UBASH3A: variants seen among roughly 807,000 people sequenced by gnomAD.
UBASH3A encodes the protein ubiquitin-associated and SH3 domain-containing protein A.
A neutral mutation model predicts 73.5 loss-of-function variants in UBASH3A; 63 were observed. The ratio of observed to expected loss-of-function variants is 0.86; its 90% confidence interval spans 0.70 to 1.06. The LOEUF (loss-of-function observed/expected upper bound fraction) is 1.06. Ranked by LOEUF, UBASH3A falls within the 50% of genes least tolerant of loss-of-function variation. The pLI is 0.00. For synonymous variants in UBASH3A, 363 were observed against 351.1 expected (o/e 1.03, Z -0.38); for missense variants, 860 against 859.0 (o/e 1.00, Z -0.02).
Position 42,416,572 on chromosome 21 carries a change from A to G in UBASH3A, c.798A>G (p.Ala266=). 1 of 1,607,980 alleles carries G rather than the reference A, an allele frequency of 6.2e-7. No homozygotes were observed. The highest frequency in any genetic ancestry group is 8.5e-7 in the Non-Finnish European group (1 of 1,177,490). ...TGGGCCACAGCTGCCAGTGGACCGCAGCACTCTACTCCCGAGACATGCGCT... is the reference window on the plus strand; with the variant it reads ...TGGGCCACAGCTGCCAGTGGACCGCGGCACTCTACTCCCGAGACATGCGCT... ...IPLGHSCQWT[A]ALYSRDMRFV... The change falls in exon 6 of 15, where the codon GCA becomes GCG. Residue 266 remains alanine, a synonymous_variant. Coordinates refer to ENST00000319294, the MANE Select transcript of UBASH3A (RefSeq NM_018961.4).
chr21:42,440,304 T>TATC (rs1282258849), intron 11 of UBASH3A, among the ~76,000 whole-genome samples: 2 of 152,162 alleles, frequency 1.3e-5, no homozygotes, highest in African/African-American at 4.8e-5. Flanking sequence ...GGTCTCCGAG[T>TATC]ATCTGGGGAC....
chr21:42,435,913 C>CCATAGAGTTATAGAGT (rs2053618707), intron 10 of UBASH3A, among the ~76,000 whole-genome samples: 1 of 109,622 alleles, frequency 9.1e-6, no homozygotes, highest in African/African-American at 4.0e-5. Context: ...AGTTATGGAG[C>CCATAGAGTTATAGAGT]CATAGAGTTA....
intron 7 of UBASH3A, 26 bp from the exon 8 acceptor site, chr21:42,426,671 C>A: frequency 6.2e-7 from 1 of 1,612,006 alleles, no homozygotes; most frequent in East Asian, 2.2e-5. Flanking sequence ...CACTTCTGTT[C>A]AAGCCGTGCT....
chr21:42,422,269 G>C (rs998601020), intron 7 of UBASH3A, among the ~76,000 whole-genome samples: 1 of 152,172 alleles, frequency 6.6e-6, no homozygotes, highest in African/African-American at 2.4e-5. Flanking sequence ...GTAGTCACAC[G>C]TCTTTATTTA....
intron 1 of UBASH3A, among the ~76,000 whole-genome samples, chr21:42,405,191 A>T (rs2052942579): frequency 6.6e-6 from 1 of 152,130 alleles, no homozygotes. Context: ...GTTATGTTCA[A>T]GCTAAGCCAG....
rs964585410 is a variant in UBASH3A, at chr21:42,406,200, C to G, written c.114-108C>G. The G allele has an allele frequency of 5.1e-5, 46 of 902,372 alleles. No individual in the cohort carries two copies. The African/African-American group carries it at 6.5e-4, about 13-fold the overall frequency. 55.9% of individuals were successfully genotyped at this position (902,372 alleles called of 1,614,324 possible). ...TGGAAGTTCAGCATCAGGCCCTCTT[C>G]AGAGCACCCCCCAAAGATCCTGGGT... On this transcript the variant is annotated intron_variant, in intron 1 of 14. Transcript: ENST00000319294.
rs2053782252 is a variant in UBASH3A at position 42,443,303 on chromosome 21, T to A, written c.1632-9T>A. The A allele has an allele frequency of 6.2e-7, 1 of 1,610,082 alleles. No homozygotes were observed. Among genetic ancestry groups the A allele is most frequent in the Non-Finnish European group, 8.5e-7 (1 of 1,177,816 alleles). ...CCAGGGCAGCAGCCTCTCCTTCTCA[T>A]CCTTCCAGGCCCGCGTTTCCCCTGT... On this transcript the variant is annotated splice_polypyrimidine_tract_variant and intron_variant, in intron 12 of 14. Coordinates refer to ENST00000319294, the MANE Select transcript of UBASH3A (RefSeq NM_018961.4).
At chr21:42,406,691 G>A (rs1246398902) in intron 2 of UBASH3A, among the ~76,000 whole-genome samples, 1 of 152,164 alleles carries the variant, frequency 6.6e-6, no homozygotes, top group African/African-American at 2.4e-5. Context: ...TTGTTGTGTT[G>A]TGATAAGCAC....
intron 7 of UBASH3A, among the ~76,000 whole-genome samples, chr21:42,426,024 A>G (rs1342500949): frequency 6.6e-6 from 1 of 152,082 alleles, no homozygotes; most frequent in African/African-American, 2.4e-5. Context: ...AGTTGAAGGA[A>G]TTGGTTCAAG....
At chr21:42,430,181 C>T (rs1276904840) in intron 8 of UBASH3A, among the ~76,000 whole-genome samples, 3 of 152,162 alleles carry the variant, frequency 2.0e-5, no homozygotes, top group African/African-American at 7.2e-5. Flanking sequence ...TACAGGGACA[C>T]CACGGGGGAC....
chr21:42,406,701 CG>C, intron 2 of UBASH3A, among the ~76,000 whole-genome samples: 1 of 151,912 alleles, frequency 6.6e-6, no homozygotes. Context: ...GTGATAAGCA[CG>C]TAAATGAGGG....
rs552325878 is a variant in UBASH3A, at chr21:42,413,954, T to C, written c.667+431T>C. Reference sequence around the variant, plus strand: ...GTGGACTTGACGTCAGAAGATGTGATTTTTTTCTGTGTCCCTGATGAGTGG... The same window carrying C: ...GTGGACTTGACGTCAGAAGATGTGACTTTTTTCTGTGTCCCTGATGAGTGG... On this transcript the variant is annotated intron_variant, in intron 5 of 14. Coordinates refer to ENST00000319294, the MANE Select transcript of UBASH3A (RefSeq NM_018961.4). This position sits in a 1 kb window ranked among gnomAD's most constrained non-coding sequence, Gnocchi z 4.5. Among the ~76,000 whole-genome samples the C allele has an allele frequency of 6.6e-6, 1 of 152,318 alleles. No homozygotes were observed. The highest frequency in any genetic ancestry group is 1.9e-4 in the East Asian group (1 of 5,186).
At chr21:42,445,864 CT>C (rs1568945007) in intron 14 of UBASH3A, among the ~76,000 whole-genome samples, 1 of 152,180 alleles carries the variant, frequency 6.6e-6, no homozygotes, top group Non-Finnish European at 1.5e-5. Context: ...CTGGGCCACA[CT>C]GGTAGAGGTC....
chr21:42,412,166 G>A (rs187093564), intron 3 of UBASH3A, among the ~76,000 whole-genome samples: 33 of 152,284 alleles, frequency 2.2e-4, no homozygotes, highest in African/African-American at 6.5e-4. Flanking sequence ...TCCCCAGGGC[G>A]GTAGGCAACA....
Position 42,447,314 on chromosome 21 carries a change from C to T in UBASH3A, c.*120C>T, listed in dbSNP as rs555947823. On this transcript the variant is annotated 3_prime_UTR_variant, in exon 15 of 15. Coordinates refer to ENST00000319294, the MANE Select transcript of UBASH3A (RefSeq NM_018961.4). ...TCACCCAATGTGATTTGTAGAAGCA[C>T]GAGACGCACTTTTATATCCCGGAAT... The T allele has an allele frequency of 1.3e-5, 14 of 1,086,558 alleles. No homozygotes were observed. Among genetic ancestry groups the T allele is most frequent in the African/African-American group, 3.2e-5 (2 of 62,944 alleles). The allele number at this position is 1,086,558 out of a possible 1,614,324, so 67.3% of individuals were successfully genotyped here.
At chr21:42,446,969 G>A in intron 14 of UBASH3A, 88 bp from the exon 15 acceptor site, 1 of 1,452,746 alleles carries the variant, frequency 6.9e-7, no homozygotes. Flanking sequence ...CCAAAGTAGA[G>A]GTGTGCCTGA....
chr21:42,446,883 C>T (rs912926232), intron 14 of UBASH3A, among the ~76,000 whole-genome samples, 174 bp from the exon 15 acceptor site: 3 of 152,192 alleles, frequency 2.0e-5, no homozygotes, highest in Non-Finnish European at 4.4e-5. Flanking sequence ...AGGGGACATC[C>T]CCCACGGGGC....
chr21:42,443,038 T>G (rs754042100), intron 12 of UBASH3A: 1 of 1,031,320 alleles, frequency 9.7e-7, no homozygotes, highest in Non-Finnish European at 1.3e-6. Flanking sequence ...GGACTGGAGT[T>G]TAGTCAAGGA....
Position 42,413,012 on chromosome 21 carries a change from C to G in UBASH3A, c.355-12C>G. The G allele has an allele frequency of 6.2e-7, 1 of 1,611,252 alleles. No homozygotes were observed. The highest frequency in any genetic ancestry group is 8.5e-7 in the Non-Finnish European group (1 of 1,177,436). On this transcript the variant is annotated splice_polypyrimidine_tract_variant and intron_variant, in intron 3 of 14. Transcript: ENST00000319294. This position sits in a 1 kb window ranked among gnomAD's most constrained non-coding sequence, Gnocchi z 4.5. ...AGGTGTGGAAACACAGGCTCTGTCT[C>G]TGTCCCCTTAGTGTGAAGACCAGAA...
Sources: gnomAD v4.1 joint callset for allele counts (sites outside exome capture counted in the v4.1 genomes callset) on GRCh38, gnomAD v4.1.1 for gene constraint, Gnocchi (gnomAD v3.1) non-coding constraint, MANE v1.5 for transcripts, NCBI Gene and HGNC (gene_info 2026-07-23, HGNC 2026-07-21) for gene names.